Variants in MYO1B observed in about 807,000 individuals in gnomAD.
The protein encoded by MYO1B is myosin IB, also known as unconventional myosin-Ib.
MYO1B carries 72 observed loss-of-function variants against 159.7 expected under a neutral mutation model. That is an observed-to-expected ratio of 0.45 (90% CI 0.37 to 0.55). The LOEUF is 0.55. MYO1B is among the 20% of genes least tolerant of loss of function. MYO1B has a pLI of 0.00. For synonymous variants in MYO1B, 468 were observed against 473.8 expected (o/e 0.99, Z 0.16); for missense variants, 1,062 against 1,364.8 (o/e 0.78, Z 3.50).
At chr2:191,344,552 C>A (rs1053067018) in intron 5 of MYO1B, among the ~76,000 whole-genome samples, 20 of 152,078 alleles carry the variant, frequency 1.3e-4, no homozygotes, top group African/African-American at 4.8e-4. Flanking sequence ...AAAACACAGC[C>A]GGGCGTGGTG....
intron 2 of MYO1B, among the ~76,000 whole-genome samples, chr2:191,283,538 C>T (rs1048854348): frequency 1.3e-5 from 2 of 150,642 alleles, no homozygotes; most frequent in African/African-American, 5.0e-5. Flanking sequence ...AGCTGCTGTT[C>T]TAAGCACTTT....
At chr2:191,419,134 C>G (rs10189822) in intron 30 of MYO1B, among the ~76,000 whole-genome samples, 1 of 152,182 alleles carries the variant, frequency 6.6e-6, no homozygotes, top group Non-Finnish European at 1.5e-5. Flanking sequence ...TGCCAGTTGT[C>G]TACAAGTAAA....
At chr2:191,281,485 T>C (rs1183259481) in intron 2 of MYO1B, among the ~76,000 whole-genome samples, 1 of 152,250 alleles carries the variant, frequency 6.6e-6, no homozygotes, top group Non-Finnish European at 1.5e-5. Flanking sequence ...TGGGAAATGC[T>C]GGTCGTGACG....
In MYO1B at chr2:191,418,453, G is replaced by A. The variant is rs1453736097; in HGVS notation, c.3287+2211G>A. ...AAGTGGATGTCAGTTTATGGAAAGA[G>A]AGTCAAAGTCCTGTTTACTCTTTAG... On this transcript the variant is annotated intron_variant, in intron 30 of 30. Coordinates refer to ENST00000392318, the MANE Select transcript of MYO1B (RefSeq NM_001130158.3). 2.1e-5 allele frequency among the ~76,000 whole-genome samples: 3 copies of A among 145,208 alleles called. No homozygotes were observed. The East Asian group carries it at 6.3e-4, about 30-fold the overall frequency.
chr2:191,333,178 C>T (rs1691603082), intron 4 of MYO1B, among the ~76,000 whole-genome samples: 1 of 152,024 alleles, frequency 6.6e-6, no homozygotes, highest in South Asian at 2.1e-4. Context: ...CATTTTTTTC[C>T]TTAGGCAGTC....
chr2:191,340,386 A>G (rs937227690), intron 4 of MYO1B, among the ~76,000 whole-genome samples: 2 of 152,306 alleles, frequency 1.3e-5, no homozygotes, highest in East Asian at 1.9e-4. Context: ...TTAAATATCT[A>G]TTAACATTTC....
chr2:191,380,096 C>T (rs1447928125), intron 13 of MYO1B, among the ~76,000 whole-genome samples: 1 of 152,206 alleles, frequency 6.6e-6, no homozygotes, highest in Non-Finnish European at 1.5e-5. Context: ...AATATATTCA[C>T]ATGTGTTATT....
At chr2:191,375,975 T>C (rs961668748) in intron 13 of MYO1B, among the ~76,000 whole-genome samples, 1 of 149,930 alleles carries the variant, frequency 6.7e-6, no homozygotes, top group Non-Finnish European at 1.5e-5. Flanking sequence ...AAAAAAAAAA[T>C]TCAAACTTAA....
At chr2:191,307,555 C>T (rs557418922) in intron 3 of MYO1B, among the ~76,000 whole-genome samples, 8 of 152,274 alleles carry the variant, frequency 5.3e-5, no homozygotes, top group African/African-American at 1.4e-4. Context: ...TATCGCGCCC[C>T]TATTCAAGAT....
At chr2:191,247,935 C>T (rs1685884242) in intron 1 of MYO1B, 3 of 985,288 alleles carry the variant, frequency 3.0e-6, no homozygotes, top group South Asian at 4.7e-5. Context: ...TAAAGACTAA[C>T]TTACCCTGAT....
chr2:191,283,086 C>G (rs550007012), intron 2 of MYO1B, among the ~76,000 whole-genome samples: 1 of 152,340 alleles, frequency 6.6e-6, no homozygotes, highest in African/African-American at 2.4e-5. Flanking sequence ...TGAGCACCAT[C>G]TATCTCTTGG....
At position 191,392,188 on chromosome 2, in the gene MYO1B, G is replaced by A. The variant is rs201068066; in HGVS notation, c.2063G>A (p.Arg688Gln). 13 of 1,604,982 alleles carry A rather than the reference G, an allele frequency of 8.1e-6. No homozygotes were observed. The highest frequency in any genetic ancestry group is 3.3e-4 in the Middle Eastern group (2 of 6,030). The change falls in exon 19 of 31, where the codon CGA becomes CAA. Residue 688 changes from arginine (R) to glutamine (Q), a missense_variant. Physicochemically the swap from Arg to Gln is conservative, Grantham distance 43 (BLOSUM62 1). Around this residue, in one of 5 missense-constraint regions of MYO1B, gnomAD observed 609 missense variants for 744.4 expected, o/e 0.82. Transcript: ENST00000392318. ...YSFGRSKIFI[R>Q]NPRTLFKLED... ...TTTGGTAGATCAAAGATATTCATCC[G>A]AAACCCAAGAACAGTATGTAACGAA...
At chr2:191,315,146 A>ACCGT (rs1025962897) in intron 3 of MYO1B, among the ~76,000 whole-genome samples, 48 of 130,000 alleles carry the variant, frequency 3.7e-4, no homozygotes, top group African/African-American at 1.2e-3. Context: ...TTATCCTCCC[A>ACCGT]CCGTCCGTCC....
intron 1 of MYO1B, among the ~76,000 whole-genome samples, chr2:191,274,742 T>G (rs1247642588): frequency 1.3e-5 from 2 of 152,164 alleles, no homozygotes; most frequent in African/African-American, 4.8e-5. Context: ...ACTCTGGCTC[T>G]GGCTTCACCG....
chr2:191,311,513 G>A (rs574942596), intron 3 of MYO1B, among the ~76,000 whole-genome samples: 33 of 152,168 alleles, frequency 2.2e-4, no homozygotes, highest in Non-Finnish European at 4.1e-4. Flanking sequence ...CCGTTGCTTT[G>A]CCTTCGAAAG....
At chr2:191,361,781 A>G (rs1156989467) in intron 8 of MYO1B, among the ~76,000 whole-genome samples, 1 of 152,070 alleles carries the variant, frequency 6.6e-6, no homozygotes, top group Non-Finnish European at 1.5e-5. Context: ...AGAGCATGCC[A>G]TCCAGTCACA....
At chr2:191,266,574 G>A (rs188772562) in intron 1 of MYO1B, among the ~76,000 whole-genome samples, 356 of 152,310 alleles carry the variant, frequency 2.3e-3, no homozygotes, top group Non-Finnish European at 4.1e-3. Context: ...AAGGGTATAT[G>A]TAATAGAATA....
intron 4 of MYO1B, among the ~76,000 whole-genome samples, chr2:191,331,820 A>G (rs1314158399): frequency 1.3e-5 from 2 of 152,242 alleles, no homozygotes; most frequent in Non-Finnish European, 1.5e-5. Context: ...AGCACATTAC[A>G]GGAAGAATTG....
At chr2:191,421,922 T>C (rs1697966665) in intron 30 of MYO1B, among the ~76,000 whole-genome samples, 1 of 152,230 alleles carries the variant, frequency 6.6e-6, no homozygotes, top group Non-Finnish European at 1.5e-5. Flanking sequence ...TCTGGAACTA[T>C]AGCTGTCCTT....
Sources: allele counts gnomAD v4.1 joint callset (sites outside exome capture counted in the v4.1 genomes callset), GRCh38; gene constraint gnomAD v4.1.1; regional missense constraint gnomAD v4.1.1; transcripts MANE v1.5; gene names NCBI Gene and HGNC (gene_info 2026-07-23, HGNC 2026-07-21).